The following SRBD1 variants were observed in gnomAD, a reference collection of about 807,000 sequenced individuals.
SRBD1 encodes the protein S1 RNA-binding domain-containing protein 1.
A neutral mutation model predicts 115.3 loss-of-function variants in SRBD1; 88 were observed. That is an observed-to-expected ratio of 0.76 (90% CI 0.64 to 0.91). SRBD1 has a LOEUF of 0.91. Among genes scored for constraint, SRBD1 ranks in the 40% least tolerant of loss-of-function variants. SRBD1 has a pLI of 0.00. For synonymous variants in SRBD1, 509 were observed against 407.7 expected (o/e 1.25, Z -2.99); for missense variants, 1,385 against 1,177.4 (o/e 1.18, Z -2.58).
chr2:45,477,879 T>C (rs954499610), intron 15 of SRBD1, among the ~76,000 whole-genome samples: 5 of 152,132 alleles, frequency 3.3e-5, no homozygotes, highest in African/African-American at 1.2e-4. Flanking sequence ...TTCTTGACCA[T>C]TACAATCCAT....
chr2:45,499,789 A>C (rs1670570671), intron 14 of SRBD1, among the ~76,000 whole-genome samples: 2 of 152,168 alleles, frequency 1.3e-5, no homozygotes, highest in Admixed American at 6.5e-5. Context: ...CACCACTGTC[A>C]AAATGAGTTG....
chr2:45,395,424 C>T (rs1667117246), intron 19 of SRBD1, among the ~76,000 whole-genome samples: 1 of 152,056 alleles, frequency 6.6e-6, no homozygotes. Context: ...AAAGTCACTT[C>T]CAAATAAAGA....
chr2:45,458,806 G>A (rs1190255998), intron 16 of SRBD1, among the ~76,000 whole-genome samples: 1 of 152,030 alleles, frequency 6.6e-6, no homozygotes, highest in African/African-American at 2.4e-5. Context: ...AGTCTCTTCA[G>A]GTATTTTATT....
intron 14 of SRBD1, among the ~76,000 whole-genome samples, chr2:45,528,164 G>T (rs115981307): frequency 1.8e-3 from 277 of 151,818 alleles, no homozygotes; most frequent in Non-Finnish European, 3.3e-3. Context: ...TTAATAAATG[G>T]CATCACAATG....
At chr2:45,575,468 T>C (rs1673147865) in intron 7 of SRBD1, among the ~76,000 whole-genome samples, 2 of 152,242 alleles carry the variant, frequency 1.3e-5, no homozygotes, top group African/African-American at 4.8e-5. Context: ...TCTATTTGCA[T>C]GAAACGTTTT....
rs575134236 is a variant in SRBD1 at position 45,606,423 on chromosome 2, G to A, written c.1-982C>T. On this transcript the variant is annotated intron_variant, in intron 1 of 20. Coordinates refer to ENST00000263736, the MANE Select transcript of SRBD1 (RefSeq NM_018079.5). Reference sequence around the variant, plus strand: ...GATCCGCCCACCTCGGCCTCCCAAAGTGCTGGGATTACAGGCATGAGTCAC... The same window carrying A: ...GATCCGCCCACCTCGGCCTCCCAAAATGCTGGGATTACAGGCATGAGTCAC... Among the ~76,000 whole-genome samples, 10 of 152,096 alleles carry A rather than the reference G, an allele frequency of 6.6e-5. 1 individual carries two copies. Among genetic ancestry groups the A allele is most frequent in the African/African-American group, 2.2e-4 (9 of 41,482 alleles).
At chr2:45,585,894 T>A in intron 4 of SRBD1, 120 bp from the exon 5 acceptor site, 2 of 750,470 alleles carry the variant, frequency 2.7e-6, no homozygotes, top group Non-Finnish European at 3.9e-6. Context: ...CTTGCTATAG[T>A]TTTTTAAAAA....
At chr2:45,514,453 A>G (rs954411094) in intron 14 of SRBD1, among the ~76,000 whole-genome samples, 8 of 151,896 alleles carry the variant, frequency 5.3e-5, no homozygotes, top group African/African-American at 1.9e-4. Context: ...CAACTTATCT[A>G]TGAAAAGGGA....
chr2:45,551,239 AC>A lies in SRBD1; in HGVS notation c.1560del (p.Met520IlefsTer11). On this transcript the variant is annotated frameshift_variant, in exon 12 of 21. Coordinates refer to ENST00000263736, the MANE Select transcript of SRBD1 (RefSeq NM_018079.5). LOFTEE classifies it high-confidence loss of function. Reference protein sequence around the residue: ...TSDAEKESVMMFGRNLRQLLL... With the variant: ...TSDAEKESVMXFGRNLRQLLL... Reference sequence around the variant, plus strand: ...AGGAGCTGACGAAGGTTCCGTCCAAACATCATTACTGATTCCTTCTCTGCAT... The same window carrying A: ...AGGAGCTGACGAAGGTTCCGTCCAAAATCATTACTGATTCCTTCTCTGCAT... 1 of 1,610,708 alleles carries A rather than the reference AC, an allele frequency of 6.2e-7. No individual in the cohort carries two copies. The highest frequency in any genetic ancestry group is 2.2e-5 in the East Asian group (1 of 44,730).
At chr2:45,556,448 CTTTTTTT>C (rs59284495) in intron 10 of SRBD1, among the ~76,000 whole-genome samples, 10,984 of 78,220 alleles carry the variant, frequency 0.14, 310 homozygotes, top group Middle Eastern at 0.28. Context: ...TGCTCTATTA[CTTTTTTT>C]TTTTTTTTTT....
chr2:45,488,209 CAT>C (rs2103853952), intron 15 of SRBD1, 29 bp downstream of exon 15: 2 of 1,585,298 alleles, frequency 1.3e-6, no homozygotes, highest in Non-Finnish European at 1.7e-6. Flanking sequence ...ATCAAAATCA[CAT>C]GTTTTTGTGA....
rs962403703 is a variant in SRBD1 at position 45,413,183 on chromosome 2, T to G, written c.2444A>C (p.Asn815Thr). 7 of 1,614,140 alleles carry G rather than the reference T, an allele frequency of 4.3e-6. No homozygotes were observed. The East Asian group carries it at 1.6e-4, about 36-fold the overall frequency. Reference sequence around the variant, plus strand: ...CAAAGGATTTGGCTTCAGTAAAACATTCACTGCAGTTTTGCTCTTCTTTTT... The same window carrying G: ...CAAAGGATTTGGCTTCAGTAAAACAGTCACTGCAGTTTTGCTCTTCTTTTT... ...QGKKKSKTAV[N>T]VLLKPNPLDQ... Residue 815 changes from asparagine to threonine, a missense_variant, in exon 19 of 21, where the codon AAT becomes ACT. Physicochemically the swap from Asn to Thr is moderately conservative, Grantham distance 65. Transcript: ENST00000263736.
rs1169252867 is a variant in SRBD1 at position 45,477,273 on chromosome 2, G to A, written c.1967-198C>T. 3.3e-5 allele frequency among the ~76,000 whole-genome samples: 5 copies of A among 152,146 alleles called. No individual in the cohort carries two copies. In the East Asian group the frequency reaches 9.7e-4, roughly 29 times the overall value. On this transcript the variant is annotated intron_variant, in intron 15 of 20. Coordinates refer to ENST00000263736, the MANE Select transcript of SRBD1 (RefSeq NM_018079.5). ...GTAAATGCAAAATTTCATGAATTAT[G>A]TCATCAGAACTCCTAGGCATTCTTG... is the stretch of plus-strand genomic sequence containing the variant.
intron 16 of SRBD1, among the ~76,000 whole-genome samples, chr2:45,423,055 A>G (rs1668052664): frequency 6.6e-6 from 1 of 152,218 alleles, no homozygotes; most frequent in Non-Finnish European, 1.5e-5. Flanking sequence ...AATAATAACC[A>G]TACGACTTTA....
At chr2:45,483,100 T>A (rs1558425024) in intron 15 of SRBD1, among the ~76,000 whole-genome samples, 1 of 152,058 alleles carries the variant, frequency 6.6e-6, no homozygotes. Flanking sequence ...AAATGCAATT[T>A]TAAAAAATTA....
chr2:45,397,077 C>T (rs1418065299), intron 19 of SRBD1, among the ~76,000 whole-genome samples: 1 of 152,032 alleles, frequency 6.6e-6, no homozygotes, highest in African/African-American at 2.4e-5. Flanking sequence ...TGGAGTAACG[C>T]AACAAGCACA....
intron 14 of SRBD1, among the ~76,000 whole-genome samples, chr2:45,503,887 G>C (rs966871115): frequency 6.6e-6 from 1 of 151,994 alleles, no homozygotes; most frequent in African/African-American, 2.4e-5. Context: ...GTAATTCTAT[G>C]GAAAAACTGT....
At chr2:45,418,801 C>A (rs1028586008) in intron 17 of SRBD1, among the ~76,000 whole-genome samples, 3 of 152,046 alleles carry the variant, frequency 2.0e-5, no homozygotes, top group African/African-American at 7.2e-5. Context: ...AAGGCTAACA[C>A]TGATGCAAGA....
intron 4 of SRBD1, among the ~76,000 whole-genome samples, chr2:45,597,236 T>C (rs1022740646): frequency 1.3e-5 from 2 of 152,044 alleles, no homozygotes; most frequent in African/African-American, 4.8e-5. Flanking sequence ...CTGGCTAACA[T>C]GGTGAAACCG....
Sources: gnomAD v4.1 joint callset for allele counts (sites outside exome capture counted in the v4.1 genomes callset) on GRCh38, gnomAD v4.1.1 for gene constraint, MANE v1.5 for transcripts, NCBI Gene and HGNC (gene_info 2026-07-23, HGNC 2026-07-21) for gene names.